The following SPTSSB variants were observed in gnomAD, a reference collection of about 807,000 sequenced individuals.
SPTSSB encodes serine palmitoyltransferase small subunit B, also known as androgen down regulated in mouse prostate.
Under a neutral mutation model 7.7 loss-of-function variants are expected in SPTSSB, and 6 were observed. The ratio of observed to expected loss-of-function variants is 0.78; its 90% CI spans 0.43 to 1.54. The LOEUF is 1.54. Among genes scored for constraint, SPTSSB ranks in the 40% most tolerant of loss-of-function variants. The probability of loss-of-function intolerance (pLI) is 0.01; values close to 1 mark genes in which losing one functional copy is unlikely to be tolerated. For missense variants in SPTSSB, 91 were observed against 93.0 expected (o/e 0.98, Z 0.09); for synonymous variants, 28 against 29.7 (o/e 0.94, Z 0.19).
At chr3:161,358,328 C>T (rs912738664) in intron 2 of SPTSSB, among the ~76,000 whole-genome samples, 14 of 152,038 alleles carry the variant, frequency 9.2e-5, no homozygotes, top group South Asian at 2.1e-4. Flanking sequence ...ACAGGTCGTA[C>T]GGTGAAGTGG....
chr3:161,362,078 C>T (rs750930818), intron 1 of SPTSSB, among the ~76,000 whole-genome samples: 4 of 152,082 alleles, frequency 2.6e-5, no homozygotes, highest in Non-Finnish European at 5.9e-5. Context: ...AAGGCCCAAG[C>T]TCTCCATCGC....
chr3:161,364,408 T>C (rs1483713007), intron 1 of SPTSSB, among the ~76,000 whole-genome samples: 1 of 152,140 alleles, frequency 6.6e-6, no homozygotes, highest in African/African-American at 2.4e-5. Flanking sequence ...AGGATCCCTT[T>C]GGTAGGGGAA....
intron 1 of SPTSSB, among the ~76,000 whole-genome samples, chr3:161,366,523 T>C (rs1166464899): frequency 6.6e-6 from 1 of 152,192 alleles, no homozygotes; most frequent in African/African-American, 2.4e-5. Context: ...TTTGGCGAGT[T>C]ACAGTGGCCA....
At chr3:161,355,684 C>T (rs182078353) in intron 2 of SPTSSB, among the ~76,000 whole-genome samples, 30 of 152,136 alleles carry the variant, frequency 2.0e-4, no homozygotes, top group East Asian at 7.7e-4. Flanking sequence ...ACTGGGGAGA[C>T]GCAGAAATAC....
intron 2 of SPTSSB, among the ~76,000 whole-genome samples, chr3:161,353,236 C>A (rs1714622428): frequency 6.6e-6 from 1 of 152,114 alleles, no homozygotes; most frequent in Non-Finnish European, 1.5e-5. Flanking sequence ...ATATTCACAG[C>A]AACTGTAGTG....
At chr3:161,358,096 T>A (rs566417834) in intron 2 of SPTSSB, among the ~76,000 whole-genome samples, 1 of 148,202 alleles carries the variant, frequency 6.7e-6, no homozygotes, top group Admixed American at 6.8e-5. Context: ...TCCAGGCTGG[T>A]CTGGAACTCC....
At chr3:161,367,195 AAAAAT>A (rs751195941) in intron 1 of SPTSSB, among the ~76,000 whole-genome samples, 14 of 152,202 alleles carry the variant, frequency 9.2e-5, no homozygotes, top group African/African-American at 2.2e-4. Context: ...ATAAATCAAT[AAAAAT>A]AAAATAAATA....
chr3:161,346,962 A>G (rs946243705), intron 2 of SPTSSB, among the ~76,000 whole-genome samples: 1 of 152,152 alleles, frequency 6.6e-6, no homozygotes, highest in African/African-American at 2.4e-5. Context: ...TAGTTGGATA[A>G]GTTAACTGTT....
chr3:161,366,644 C>G (rs1703661481), intron 1 of SPTSSB, among the ~76,000 whole-genome samples: 1 of 151,968 alleles, frequency 6.6e-6, no homozygotes, highest in Non-Finnish European at 1.5e-5. Flanking sequence ...TTCTTCAGAG[C>G]CCTTATCTAC....
chr3:161,350,962 G>C (rs1714509061), intron 2 of SPTSSB, among the ~76,000 whole-genome samples: 2 of 152,096 alleles, frequency 1.3e-5, no homozygotes, highest in East Asian at 3.9e-4. Context: ...CTAATCATGA[G>C]AAAGGTATCA....
rs145276269 is a variant in SPTSSB, at chr3:161,349,485, A to G, written c.-32-3130T>C. ...TCAGCAAAGCTAAACCAAGAACTTG[A>G]AATGCTTACTTTATTCAGGCACACC... On this transcript the variant is annotated intron_variant, in intron 2 of 2. Transcript: ENST00000620149. 9.7e-3 allele frequency among the ~76,000 whole-genome samples: 1,482 copies of G among 152,318 alleles called. 28 individuals carry two copies. Among genetic ancestry groups the G allele is most frequent in the African/African-American group, 0.034 (1,416 of 41,574 alleles).
intron 1 of SPTSSB, among the ~76,000 whole-genome samples, chr3:161,361,305 T>C (rs1329106108): frequency 6.6e-6 from 1 of 152,034 alleles, no homozygotes; most frequent in Non-Finnish European, 1.5e-5. Context: ...AGAGCTCCAT[T>C]AGGAAAATTG....
At chr3:161,358,052 T>G (rs985699315) in intron 2 of SPTSSB, among the ~76,000 whole-genome samples, 393 of 147,594 alleles carry the variant, frequency 2.7e-3, no homozygotes, top group African/African-American at 8.4e-3. Flanking sequence ...TTGTTTTTTT[T>G]TTTTTTTTTT....
Position 161,344,925 on chromosome 3 carries a change from C to T in SPTSSB, c.*1168G>A, listed in dbSNP as rs1279438974. 1 of 152,522 alleles carries T rather than the reference C, an allele frequency of 6.6e-6. No individual in the cohort carries two copies. The highest frequency in any genetic ancestry group is 2.4e-5 in the African/African-American group (1 of 41,424). 9.4% of individuals were successfully genotyped at this position (152,522 alleles called of 1,614,324 possible). A position where few individuals can be genotyped will look rare whatever the true frequency, so the allele number is the denominator to read the frequency against. ...TTAATTTGGCATGCCAAACATCTTT[C>T]TCTCTAGCTCACCTTGGAAAAATTT... On this transcript the variant is annotated 3_prime_UTR_variant, in exon 3 of 3. Transcript: ENST00000620149.
chr3:161,346,246 T>C lies in SPTSSB; in HGVS notation c.78A>G (p.Leu26=), dbSNP rs1714223376. ...TAAACATAGATCGCTCCCAGGGCTCTAAAACAGCACAGCAGCTAATGATTT... is the reference window on the plus strand; with the variant it reads ...TAAACATAGATCGCTCCCAGGGCTCCAAAACAGCACAGCAGCTAATGATTT... The part of the protein sequence containing the change: ...QYQIISCCAV[L]EPWERSMFNT... The change falls in exon 3 of 3, where the codon TTA becomes TTG. Residue 26 remains leucine (L), a synonymous_variant. Coordinates refer to ENST00000620149, the MANE Select transcript of SPTSSB (RefSeq NM_001040100.2). The C allele has an allele frequency of 6.2e-7, 1 of 1,614,024 alleles. No individual in the cohort carries two copies. Among genetic ancestry groups the C allele is most frequent in the African/African-American group, 1.3e-5 (1 of 75,040 alleles).
At chr3:161,351,597 C>CAGAG (rs536721506) in intron 2 of SPTSSB, among the ~76,000 whole-genome samples, 1 of 151,042 alleles carries the variant, frequency 6.6e-6, no homozygotes, top group Non-Finnish European at 1.5e-5. Context: ...CATACACACA[C>CAGAG]AGAGAGAGAG....
chr3:161,365,649 AT>A (rs1715186695), intron 1 of SPTSSB, among the ~76,000 whole-genome samples: 1 of 152,238 alleles, frequency 6.6e-6, no homozygotes, highest in Non-Finnish European at 1.5e-5. Context: ...GAGAATTCTA[AT>A]GCTCCATAAT....
At chr3:161,354,843 C>G (rs1270643975) in intron 2 of SPTSSB, among the ~76,000 whole-genome samples, 1 of 152,098 alleles carries the variant, frequency 6.6e-6, no homozygotes, top group Non-Finnish European at 1.5e-5. Flanking sequence ...TGAAAAACTT[C>G]CAGCTGGGAA....
At chr3:161,364,377 C>T (rs1170475438) in intron 1 of SPTSSB, among the ~76,000 whole-genome samples, 2 of 152,052 alleles carry the variant, frequency 1.3e-5, no homozygotes, top group Middle Eastern at 3.2e-3. Flanking sequence ...TGTTTTTGAG[C>T]GAGATTTAAA....
Sources: gnomAD v4.1 joint callset for allele counts (sites outside exome capture counted in the v4.1 genomes callset) on GRCh38, gnomAD v4.1.1 for gene constraint, MANE v1.5 for transcripts, NCBI Gene and HGNC (gene_info 2026-07-23, HGNC 2026-07-21) for gene names.